FAR1: variants seen among roughly 807,000 people sequenced by gnomAD.
FAR1 encodes fatty acyl-CoA reductase 1, also known as male sterility domain-containing protein 2.
A neutral mutation model predicts 61.1 loss-of-function variants in FAR1; 22 were observed. The observed-to-expected ratio is 0.36, with a 90% confidence interval of 0.26 to 0.51. The LOEUF is 0.51. Ranked by LOEUF, FAR1 falls within the 20% of genes least tolerant of loss-of-function variation. The pLI, the probability that FAR1 is intolerant of heterozygous loss-of-function variation, is 0.95. For synonymous variants in FAR1, 206 were observed against 209.7 expected, an observed-to-expected ratio of 0.98 and a Z score of 0.15; for missense variants, 359 against 626.9, an observed-to-expected ratio of 0.57 and a Z score of 4.56.
intron 9 of FAR1, among the ~76,000 whole-genome samples, chr11:13,719,308 A>G (rs961251464): frequency 2.0e-5 from 3 of 152,238 alleles, no homozygotes; most frequent in African/African-American, 7.2e-5. Flanking sequence ...TATAATCTGA[A>G]TGCAACAAGG....
At chr11:13,704,425 G>T (rs1848411957) in intron 3 of FAR1, among the ~76,000 whole-genome samples, 1 of 152,192 alleles carries the variant, frequency 6.6e-6, no homozygotes, top group African/African-American at 2.4e-5. Flanking sequence ...TATTGAGTTT[G>T]TTGGGCATTG....
intron 1 of FAR1, chr11:13,686,513 G>A (rs907756524): frequency 6.6e-5 from 10 of 152,042 alleles, no homozygotes; most frequent in Non-Finnish European, 5.9e-5. Context: ...AAAAGCTGCC[G>A]TTTAAAAAAA....
intron 3 of FAR1, among the ~76,000 whole-genome samples, chr11:13,706,788 A>AT (rs1488203081): frequency 6.6e-6 from 1 of 152,164 alleles, no homozygotes; most frequent in Non-Finnish European, 1.5e-5. Context: ...CTTAAGGAAT[A>AT]TTTGTTGACT....
At chr11:13,706,101 T>C (rs1045633899) in intron 3 of FAR1, among the ~76,000 whole-genome samples, 1 of 152,136 alleles carries the variant, frequency 6.6e-6, no homozygotes, top group Admixed American at 6.5e-5. Flanking sequence ...CCTTTGAACA[T>C]TATTTTTCAT....
intron 1 of FAR1, among the ~76,000 whole-genome samples, chr11:13,670,743 C>T (rs1847991621): frequency 6.9e-6 from 1 of 145,644 alleles, no homozygotes; most frequent in Non-Finnish European, 1.5e-5. Context: ...TCAGGAAAGA[C>T]ATGGTATGTA....
Position 13,694,973 on chromosome 11 carries a change from C to A in FAR1, c.189+19C>A. 1 of 1,580,228 alleles carries A rather than the reference C, an allele frequency of 6.3e-7. No homozygotes were observed. Among genetic ancestry groups the A allele is most frequent in the South Asian group, 1.2e-5 (1 of 85,414 alleles). ...TGGCAAGGTAAGTATGGAAAATGAG[C>A]ACTCAGAACAAAGAAAAAAGCGTGT... On this transcript the variant is annotated intron_variant, in intron 2 of 11. Transcript: ENST00000354817.
At chr11:13,684,871 G>A (rs1848169284) in intron 1 of FAR1, among the ~76,000 whole-genome samples, 1 of 152,130 alleles carries the variant, frequency 6.6e-6, no homozygotes, top group Admixed American at 6.5e-5. Context: ...TGATCCATAG[G>A]ATTACCTTGG....
At chr11:13,718,172 A>G (rs1182945308) in intron 9 of FAR1, among the ~76,000 whole-genome samples, 1 of 152,132 alleles carries the variant, frequency 6.6e-6, no homozygotes, top group Admixed American at 6.5e-5. Flanking sequence ...GTCTGTCTGA[A>G]AGTTCTGGAA....
chr11:13,728,525 T>G, intron 11 of FAR1, 87 bp from the exon 12 acceptor site: 1 of 1,208,914 alleles, frequency 8.3e-7, no homozygotes, highest in Non-Finnish European at 1.2e-6. Flanking sequence ...TGAGCTTTGA[T>G]TAAAAACTCA....
chr11:13,686,403 G>A (rs976383150), intron 1 of FAR1: 1 of 152,134 alleles, frequency 6.6e-6, no homozygotes, highest in Non-Finnish European at 1.5e-5. Context: ...TGCTTAGCAA[G>A]TATCTGAAAT....
chr11:13,731,624 A>T lies in FAR1; in HGVS notation c.*2850A>T, dbSNP rs1393677157. 2 of 152,162 alleles carry T rather than the reference A, an allele frequency of 1.3e-5. No homozygotes were observed. The highest frequency in any genetic ancestry group is 4.8e-5 in the African/African-American group (2 of 41,418). The allele number at this position is 152,162 out of a possible 1,614,324, so 9.4% of individuals were successfully genotyped here. On this transcript the variant is annotated 3_prime_UTR_variant, in exon 12 of 12. Transcript: ENST00000354817. ...TGTACTTGTTAATTCTTATGTCCTA[A>T]TTTTATTTAATTCTGAGTTCCTTAC... is the stretch of plus-strand genomic sequence containing the variant.
intron 1 of FAR1, among the ~76,000 whole-genome samples, chr11:13,673,769 G>A (rs574226817): frequency 1.2e-3 from 188 of 152,310 alleles, no homozygotes; most frequent in African/African-American, 4.4e-3. Context: ...ACTTCAAAAT[G>A]TTTGTGAAAT....
At chr11:13,683,511 C>G (rs993962008) in intron 1 of FAR1, among the ~76,000 whole-genome samples, 1 of 151,690 alleles carries the variant, frequency 6.6e-6, no homozygotes, top group Admixed American at 6.6e-5. Flanking sequence ...TCCATTTGCT[C>G]AAAACTGTCT....
chr11:13,708,443 GCGCGCACACACA>G (rs1848460389), intron 4 of FAR1, among the ~76,000 whole-genome samples: 2 of 84,394 alleles, frequency 2.4e-5, no homozygotes, highest in Non-Finnish European at 5.1e-5. Flanking sequence ...GTGCGCGCGC[GCGCGCACACACA>G]CACACACACA....
At chr11:13,708,978 A>G (rs578204700) in intron 4 of FAR1, among the ~76,000 whole-genome samples, 1 of 152,350 alleles carries the variant, frequency 6.6e-6, no homozygotes, top group East Asian at 1.9e-4. Context: ...AGGCTTTCTC[A>G]TCAAACAGAC....
chr11:13,718,164 CT>C (rs1451735944), intron 9 of FAR1, among the ~76,000 whole-genome samples: 9 of 152,136 alleles, frequency 5.9e-5, no homozygotes, highest in African/African-American at 2.2e-4. Context: ...TGCCTTTTGT[CT>C]GTCTGAAAGT....
At chr11:13,709,209 T>C (rs1309542840) in intron 4 of FAR1, among the ~76,000 whole-genome samples, 4 of 152,186 alleles carry the variant, frequency 2.6e-5, no homozygotes, top group Non-Finnish European at 2.9e-5. Context: ...GCACAGTCTT[T>C]TCTTTAAGGC....
Position 13,721,986 on chromosome 11 carries a change from T to A in FAR1, c.1257+127T>A, listed in dbSNP as rs534033858. On this transcript the variant is annotated intron_variant, in intron 10 of 11. Transcript: ENST00000354817. This position sits in a 1 kb window ranked among gnomAD's most constrained non-coding sequence, Gnocchi z 4.2. ...GTAAGCCATTATTTATAGTCTCTCATAAAGCTTTAGTCATAATTGTTAGTG... is the reference window on the plus strand; with the variant it reads ...GTAAGCCATTATTTATAGTCTCTCAAAAAGCTTTAGTCATAATTGTTAGTG... The A allele has an allele frequency of 4.1e-6, 3 of 731,952 alleles. No individual in the cohort carries two copies. In the East Asian group the frequency reaches 9.0e-5, roughly 22 times the overall value. 45.3% of individuals were successfully genotyped at this position (731,952 alleles called of 1,614,324 possible). A position where few individuals can be genotyped will look rare whatever the true frequency, so the allele number is the denominator to read the frequency against.
chr11:13,695,722 A>T (rs1848300703), intron 2 of FAR1, among the ~76,000 whole-genome samples: 2 of 152,204 alleles, frequency 1.3e-5, no homozygotes, highest in South Asian at 4.1e-4. Context: ...CCTCTTAAAA[A>T]ATCCTGAAAC....
Sources: allele counts gnomAD v4.1 joint callset (sites outside exome capture counted in the v4.1 genomes callset), GRCh38; gene constraint gnomAD v4.1.1; non-coding constraint Gnocchi (gnomAD v3.1); transcripts MANE v1.5; gene names NCBI Gene and HGNC (gene_info 2026-07-23, HGNC 2026-07-21).